The following SNX2 variants were observed in gnomAD, a reference collection of about 807,000 sequenced individuals.
SNX2 encodes the protein sorting nexin-2.
SNX2 carries 25 observed loss-of-function variants against 69.9 expected under a neutral mutation model. That is an observed-to-expected ratio of 0.36 (90% CI 0.26 to 0.50). The LOEUF (loss-of-function observed/expected upper bound fraction) is 0.50. Among genes scored for constraint, SNX2 ranks in the 20% least tolerant of loss-of-function variants. The pLI, the probability that SNX2 is intolerant of heterozygous loss-of-function variation, is 0.97. For synonymous variants in SNX2, 229 were observed against 200.4 expected (o/e 1.14, Z -1.20); for missense variants, 551 against 613.3 (o/e 0.90, Z 1.07).
Position 122,818,974 on chromosome 5 carries a change from T to G in SNX2, c.1163T>G (p.Met388Arg), listed in dbSNP as rs1222888042. Reference sequence around the variant, plus strand: ...GAACAAGCTTTTGCTGACTTTTATATGTTTTCAGAACTACTTAGTGACTAC... The same window carrying G: ...GAACAAGCTTTTGCTGACTTTTATAGGTTTTCAGAACTACTTAGTGACTAC... ...HQEQAFADFYMFSELLSDYIR... is the reference protein window; with the variant it reads ...HQEQAFADFYRFSELLSDYIR... The change falls in exon 11 of 15, where the codon ATG becomes AGG. Residue 388 changes from methionine to arginine, a missense_variant. Met to Arg is a moderately conservative substitution (Grantham distance 91, BLOSUM62 -1). Around this residue, in one of 2 missense-constraint regions of SNX2, gnomAD observed 360 missense variants for 450.4 expected, o/e 0.80. Coordinates refer to ENST00000379516, the MANE Select transcript of SNX2 (RefSeq NM_003100.4). The G allele has an allele frequency of 1.2e-6, 2 of 1,613,944 alleles. No individual in the cohort carries two copies. The highest frequency in any genetic ancestry group is 1.7e-6 in the Non-Finnish European group (2 of 1,179,878).
intron 5 of SNX2, 87 bp from the exon 6 acceptor site, chr5:122,803,385 T>C: frequency 1.6e-6 from 2 of 1,285,050 alleles, no homozygotes; most frequent in East Asian, 2.4e-5. Flanking sequence ...AGTAGATACA[T>C]GTATGTGTTC....
intron 1 of SNX2, among the ~76,000 whole-genome samples, chr5:122,785,174 A>T (rs1245800962): frequency 6.7e-6 from 1 of 150,206 alleles, no homozygotes; most frequent in South Asian, 2.1e-4. Context: ...TTTTGCTTTC[A>T]TTGATTTTTT....
Position 122,833,022 on chromosome 5 carries a change from T to C in SNX2, c.*3374T>C, listed in dbSNP as rs769052318. ...GGACTTTGGAGGCATTTTCATATCA[T>C]ATTCACTAGTCAAGAAACGTGTAGA... On this transcript the variant is annotated 3_prime_UTR_variant, in exon 15 of 15. Coordinates refer to ENST00000379516, the MANE Select transcript of SNX2 (RefSeq NM_003100.4). 1 of 152,232 alleles carries C rather than the reference T, an allele frequency of 6.6e-6. No individual in the cohort carries two copies. The highest frequency in any genetic ancestry group is 6.5e-5 in the Admixed American group (1 of 15,280). The allele number at this position is 152,232 out of a possible 1,614,324, so 9.4% of individuals were successfully genotyped here.
intron 6 of SNX2, among the ~76,000 whole-genome samples, chr5:122,804,783 G>T (rs1205243891): frequency 6.6e-6 from 1 of 152,070 alleles, no homozygotes; most frequent in African/African-American, 2.4e-5. Flanking sequence ...AAATTTTGTA[G>T]TATTTTATTC....
chr5:122,809,192 G>A (rs1753716113), intron 7 of SNX2, among the ~76,000 whole-genome samples: 1 of 152,074 alleles, frequency 6.6e-6, no homozygotes, highest in Admixed American at 6.5e-5. Context: ...GTCTAGAGAT[G>A]ACTTAAAGTA....
chr5:122,795,158 T>C, intron 1 of SNX2, 108 bp from the exon 2 acceptor site: 1 of 700,936 alleles, frequency 1.4e-6, no homozygotes, highest in Non-Finnish European at 2.5e-6. Flanking sequence ...GTTCTTGTTC[T>C]TTCCTCCATT....
Position 122,832,854 on chromosome 5 carries a change from A to G in SNX2, c.*3206A>G, listed in dbSNP as rs775783774. The stretch of plus-strand genomic sequence containing the variant: ...CCCTGCATGGGCAGTCATGTTAACA[A>G]GAGTCAGGGAGATAGCAGATATTCC... On this transcript the variant is annotated 3_prime_UTR_variant, in exon 15 of 15. Coordinates refer to ENST00000379516, the MANE Select transcript of SNX2 (RefSeq NM_003100.4). The G allele has an allele frequency of 2.6e-5, 4 of 152,224 alleles. No homozygotes were observed. The highest frequency in any genetic ancestry group is 5.9e-5 in the Non-Finnish European group (4 of 68,042). The allele number at this position is 152,224 out of a possible 1,614,324, so 9.4% of individuals were successfully genotyped here. A position where few individuals can be genotyped will look rare whatever the true frequency, so the allele number is the denominator to read the frequency against.
rs1224915734 is a variant in SNX2, at chr5:122,831,857, G to C, written c.*2209G>C. On this transcript the variant is annotated 3_prime_UTR_variant, in exon 15 of 15. Transcript: ENST00000379516. ...TAAAATAATAAATATTTTCAGCCTTGATTAAACTCTAGACTCCCTTCCAGA... is the reference window on the plus strand; with the variant it reads ...TAAAATAATAAATATTTTCAGCCTTCATTAAACTCTAGACTCCCTTCCAGA... 6.6e-6 allele frequency among the ~76,000 whole-genome samples: 1 copy of C among 152,102 alleles called. No homozygotes were observed. The highest frequency in any genetic ancestry group is 1.5e-5 in the Non-Finnish European group (1 of 68,026).
At chr5:122,801,239 T>C (rs138462573) in intron 3 of SNX2, among the ~76,000 whole-genome samples, 2,260 of 152,140 alleles carry the variant, frequency 0.015, 21 homozygotes, top group Non-Finnish European at 0.019. Flanking sequence ...GAAGATTCAG[T>C]ATATAGAACA....
chr5:122,775,827 A>T, intron 1 of SNX2: 2 of 965,946 alleles, frequency 2.1e-6, no homozygotes, highest in Non-Finnish European at 2.5e-6. Context: ...CATAGTATTT[A>T]TAAAATGTAA....
intron 1 of SNX2, among the ~76,000 whole-genome samples, chr5:122,789,609 G>A (rs1753180247): frequency 6.6e-6 from 1 of 152,082 alleles, no homozygotes; most frequent in African/African-American, 2.4e-5. Flanking sequence ...CAGCAAATCT[G>A]CAAGAGAAAA....
intron 5 of SNX2, among the ~76,000 whole-genome samples, chr5:122,802,377 G>A (rs970224784): frequency 4.6e-5 from 7 of 152,000 alleles, no homozygotes; most frequent in African/African-American, 1.7e-4. Flanking sequence ...ATGGGGAGGA[G>A]GGGGGGAAGA....
chr5:122,810,221 ATCACCAC>A (rs1215135425), intron 7 of SNX2, among the ~76,000 whole-genome samples: 1 of 150,940 alleles, frequency 6.6e-6, no homozygotes, highest in Non-Finnish European at 1.5e-5. Context: ...GTTAAGAGTC[ATCACCAC>A]TCCCTCATCT....
intron 1 of SNX2, 141 bp downstream of exon 1, chr5:122,775,352 G>C: frequency 7.2e-7 from 1 of 1,382,764 alleles, no homozygotes; most frequent in South Asian, 1.6e-5. Context: ...CCCCACCTCC[G>C]GTGCCTGTCA....
rs192241316 is a variant in SNX2, at chr5:122,775,115, G to C, written c.12G>C (p.Glu4Asp). The change falls in exon 1 of 15, where the codon GAG becomes GAC. Residue 4 changes from glutamate (E) to aspartate (D), a missense_variant. Glu to Asp is a conservative substitution (Grantham distance 45). Transcript: ENST00000379516. ...TCGGGTGAGCGAAGATGGCGGCCGA[G>C]AGGGAACCTCCTCCGCTGGGGGACG... MAA[E>D]REPPPLGDGK... is the part of the protein sequence containing the mutation. The C allele has an allele frequency of 2.7e-4, 424 of 1,590,122 alleles. 3 individuals are homozygous for C. The highest frequency in any genetic ancestry group is 2.5e-3 in the Middle Eastern group (15 of 6,022).
At chr5:122,794,506 TC>T (rs2150005311) in intron 1 of SNX2, among the ~76,000 whole-genome samples, 1 of 152,332 alleles carries the variant, frequency 6.6e-6, no homozygotes, top group East Asian at 1.9e-4. Context: ...GTTTTCAGGA[TC>T]TGTTGAGTCA....
intron 2 of SNX2, among the ~76,000 whole-genome samples, chr5:122,795,893 T>C (rs1753365681): frequency 6.6e-6 from 1 of 152,196 alleles, no homozygotes. Flanking sequence ...TTTGGTGTAG[T>C]TCATCCTAAC....
In SNX2 at chr5:122,808,272, C is replaced by T; in HGVS notation, c.644-5C>T. On this transcript the variant is annotated splice_polypyrimidine_tract_variant and splice_region_variant and intron_variant, in intron 6 of 14. Transcript: ENST00000379516. ...CATCATGAATCTCATTCAACTTCTT[C>T]AAAGGGATGACCAAGGTCAAAGTGG... 1 of 1,592,138 alleles carries T rather than the reference C, an allele frequency of 6.3e-7. No homozygotes were observed. Among genetic ancestry groups the T allele is most frequent in the Non-Finnish European group, 8.6e-7 (1 of 1,167,872 alleles).
intron 2 of SNX2, 121 bp downstream of exon 2, chr5:122,795,504 A>G (rs1753356768): frequency 1.5e-6 from 1 of 657,940 alleles, no homozygotes; most frequent in African/African-American, 1.8e-5. Flanking sequence ...TCTTGTAACA[A>G]CTTAGAAGGA....
Sources: gnomAD v4.1 joint callset for allele counts (sites outside exome capture counted in the v4.1 genomes callset) on GRCh38, gnomAD v4.1.1 for gene constraint, gnomAD v4.1.1 regional missense constraint, MANE v1.5 for transcripts, NCBI Gene and HGNC (gene_info 2026-07-23, HGNC 2026-07-21) for gene names.